The following PPP2R5C variants were observed in gnomAD, a reference collection of about 807,000 sequenced individuals.
PPP2R5C encodes the protein protein phosphatase 2 regulatory subunit B'gamma, also known as serine/threonine-protein phosphatase 2A 56 kDa regulatory subunit gamma isoform.
Under a neutral mutation model 68.9 loss-of-function variants are expected in PPP2R5C, and 7 were observed. That is an observed-to-expected ratio of 0.10 (90% CI 0.06 to 0.19). The LOEUF is 0.19. Among genes scored for constraint, PPP2R5C ranks in the 10% least tolerant of loss-of-function variants. The probability of loss-of-function intolerance (pLI) is 1.00; values close to 1 mark genes in which losing one functional copy is unlikely to be tolerated. For synonymous variants in PPP2R5C, 210 were observed against 222.2 expected, an observed-to-expected ratio of 0.95 and a Z score of 0.49; for missense variants, 348 against 641.3, an observed-to-expected ratio of 0.54 and a Z score of 4.94.
chr14:101,763,811 C>G (rs574215425), intron 2 of PPP2R5C, among the ~76,000 whole-genome samples: 28 of 152,352 alleles, frequency 1.8e-4, no homozygotes, highest in Non-Finnish European at 3.4e-4. Flanking sequence ...ACCGCCACTT[C>G]CATTGCAAGC....
At chr14:101,854,669 G>A (rs985138056) in intron 1 of PPP2R5C, among the ~76,000 whole-genome samples, 6 of 152,174 alleles carry the variant, frequency 3.9e-5, no homozygotes, top group Non-Finnish European at 2.9e-5. Flanking sequence ...TCCCTGGAGC[G>A]AGGCTGGCAT....
chr14:101,847,448 T>G (rs1279188283), intron 1 of PPP2R5C, among the ~76,000 whole-genome samples: 1 of 152,134 alleles, frequency 6.6e-6, no homozygotes, highest in African/African-American at 2.4e-5. Flanking sequence ...CAGCCTCTCC[T>G]CAGCTGTGGT....
chr14:101,831,787 G>A (rs894452623), intron 1 of PPP2R5C: 6 of 702,058 alleles, frequency 8.5e-6, no homozygotes, highest in Non-Finnish European at 1.3e-5. Context: ...TGTGGGACTT[G>A]AATATGCGTG....
chr14:101,824,155 A>G (rs1165724391), intron 1 of PPP2R5C: 2 of 1,278,984 alleles, frequency 1.6e-6, no homozygotes, highest in East Asian at 1.1e-4. Context: ...CATAGCTGGC[A>G]AGAGTATTTT....
chr14:101,865,114 G>C (rs1399554007), intron 2 of PPP2R5C, among the ~76,000 whole-genome samples: 2 of 152,194 alleles, frequency 1.3e-5, no homozygotes, highest in African/African-American at 2.4e-5. Flanking sequence ...TGGTTCAGGG[G>C]AAAGAGCATG....
At chr14:101,831,614 G>A (rs1595301321) in intron 1 of PPP2R5C, 2 of 601,796 alleles carry the variant, frequency 3.3e-6, no homozygotes, top group South Asian at 2.0e-5. Flanking sequence ...CCTTAAATAA[G>A]TACAAGAATT....
chr14:101,776,225 C>T (rs117012489), intron 2 of PPP2R5C, among the ~76,000 whole-genome samples: 2,492 of 152,126 alleles, frequency 0.016, 36 homozygotes, highest in Non-Finnish European at 0.025. Context: ...AATAATTTCC[C>T]ATCATTAAGC....
At position 101,915,901 on chromosome 14, in the gene PPP2R5C, C is replaced by A. The variant is rs1163391895; in HGVS notation, c.1327-1930C>A. On this transcript the variant is annotated intron_variant, in intron 12 of 13. Coordinates refer to ENST00000334743, the Ensembl canonical transcript of PPP2R5C. The surrounding 1 kb of genome is among the most constrained non-coding windows in gnomAD (Gnocchi z 4.2). ...AAGAAAGACACACACAGTACGGGGG[C>A]CTGGCCTCTTGGTTTGACTGAAGGG... Among the ~76,000 whole-genome samples the A allele has an allele frequency of 6.6e-6, 1 of 152,144 alleles. No homozygotes were observed. Among genetic ancestry groups the A allele is most frequent in the Non-Finnish European group, 1.5e-5 (1 of 68,022 alleles).
chr14:101,816,750 A>G (rs1173614709), intron 1 of PPP2R5C, among the ~76,000 whole-genome samples: 2 of 151,462 alleles, frequency 1.3e-5, no homozygotes, highest in African/African-American at 4.9e-5. Context: ...CAAATATGTC[A>G]AAGCATGAAC....
chr14:101,911,273 CA>C (rs377271470), intron 11 of PPP2R5C, among the ~76,000 whole-genome samples: 23 of 149,586 alleles, frequency 1.5e-4, no homozygotes, highest in Non-Finnish European at 2.7e-4. Flanking sequence ...GACTCCGTCT[CA>C]AAAAAAAAAT....
At chr14:101,796,330 G>C (rs1046247083) in intron 3 of PPP2R5C, among the ~76,000 whole-genome samples, 3 of 152,162 alleles carry the variant, frequency 2.0e-5, no homozygotes, top group Non-Finnish European at 4.4e-5. Flanking sequence ...GCTTTCATTA[G>C]TCTTTTCTTC....
chr14:101,883,640 TCTC>T (rs1272473468), intron 5 of PPP2R5C, 78 bp downstream of exon 7: 2 of 1,533,274 alleles, frequency 1.3e-6, no homozygotes, highest in Non-Finnish European at 1.8e-6. Flanking sequence ...TACCCCATCG[TCTC>T]CTCTGACAGG....
intron 8 of PPP2R5C, 55 bp downstream of exon 10, chr14:101,894,615 A>C: frequency 2.7e-6 from 4 of 1,504,806 alleles, no homozygotes; most frequent in Non-Finnish European, 3.7e-6. Flanking sequence ...CTAAATGTAA[A>C]TATTACAACA....
intron 1 of PPP2R5C, among the ~76,000 whole-genome samples, chr14:101,855,988 G>T (rs2042398599): frequency 6.6e-6 from 1 of 152,208 alleles, no homozygotes; most frequent in African/African-American, 2.4e-5. Flanking sequence ...TTTCTAAATT[G>T]CCATCATCAT....
chr14:101,922,479 ACT>A (rs976986114), intron 13 of PPP2R5C, among the ~76,000 whole-genome samples: 13 of 135,200 alleles, frequency 9.6e-5, no homozygotes, highest in African/African-American at 4.3e-4. Context: ...ACAGAGCGAG[ACT>A]CTGTGTCAAA....
intron 1 of PPP2R5C, chr14:101,843,650 T>G (rs1170354493): frequency 6.1e-6 from 1 of 163,370 alleles, no homozygotes; most frequent in African/African-American, 2.4e-5. Context: ...TCTGGTTTGA[T>G]TGTTGTGCAT....
rs932519438 is a variant in PPP2R5C, at chr14:101,802,952, A to T, written c.259+16769A>T. On this transcript the variant is annotated intron_variant, in intron 3 of 14. Transcript: ENST00000328724. ...ACACCCACTAGGATGGCTACTATTT[A>T]AAAAAAAAAAAAAAAAAAAAAAGGA... 3.8e-4 allele frequency among the ~76,000 whole-genome samples: 37 copies of T among 97,334 alleles called. No individual in the cohort carries two copies. In the South Asian group the frequency reaches 6.3e-3, roughly 17 times the overall value. 63.9% of individuals were successfully genotyped at this position (97,334 alleles called of 152,430 possible).
chr14:101,779,693 CT>C (rs2037583965), intron 2 of PPP2R5C, among the ~76,000 whole-genome samples: 1 of 152,176 alleles, frequency 6.6e-6, no homozygotes, highest in South Asian at 2.1e-4. Flanking sequence ...GGAGTTTGAA[CT>C]TTCTCCCGCA....
intron 1 of PPP2R5C, chr14:101,836,324 C>T (rs1191232819): frequency 8.5e-6 from 6 of 702,444 alleles, no homozygotes; most frequent in Admixed American, 8.0e-5. Context: ...TCTCCCCTGC[C>T]CTTCTTCCTC....
Sources: allele counts gnomAD v4.1 joint callset (sites outside exome capture counted in the v4.1 genomes callset), GRCh38; gene constraint gnomAD v4.1.1; non-coding constraint Gnocchi (gnomAD v3.1); transcripts MANE v1.5; gene names NCBI Gene and HGNC (gene_info 2026-07-23, HGNC 2026-07-21).